The following SNX13 variants were observed in gnomAD, a reference collection of about 807,000 sequenced individuals.
SNX13 encodes sorting nexin-13.
Under a neutral mutation model 133.6 loss-of-function variants are expected in SNX13, and 45 were observed. The observed-to-expected ratio is 0.34, with a 90% CI of 0.27 to 0.43. The LOEUF is 0.43. Among genes scored for constraint, SNX13 ranks in the 20% least tolerant of loss-of-function variants. The pLI, the probability that SNX13 is intolerant of heterozygous loss-of-function variation, is 1.00. For missense variants in SNX13, 1,032 were observed against 1,145.1 expected, an observed-to-expected ratio of 0.90 and a Z score of 1.43; for synonymous variants, 414 against 373.9, an observed-to-expected ratio of 1.11 and a Z score of -1.24.
chr7:17,861,176 C>G (rs987147909), intron 9 of SNX13, among the ~76,000 whole-genome samples: 2 of 152,066 alleles, frequency 1.3e-5, no homozygotes, highest in African/African-American at 4.8e-5. Context: ...CCACCATGCA[C>G]AGATATTTTT....
intron 1 of SNX13, among the ~76,000 whole-genome samples, chr7:17,927,186 CATATA>C (rs888053029): frequency 3.3e-5 from 5 of 149,490 alleles, no homozygotes; most frequent in East Asian, 1.9e-4. Context: ...TATGCGTGTA[CATATA>C]ATATATATGT....
chr7:17,801,567 C>T, intron 22 of SNX13, 21 bp downstream of exon 22: 3 of 1,585,642 alleles, frequency 1.9e-6, no homozygotes, highest in Non-Finnish European at 1.7e-6. Flanking sequence ...CTAAATACTA[C>T]CAAGAATAAA....
intron 1 of SNX13, among the ~76,000 whole-genome samples, chr7:17,910,393 T>C (rs1386378852): frequency 2.6e-5 from 4 of 152,264 alleles, no homozygotes; most frequent in Admixed American, 2.6e-4. Context: ...AAACGACTAA[T>C]TTTTGGCTTT....
At chr7:17,894,856 C>T (rs905388757) in intron 2 of SNX13, among the ~76,000 whole-genome samples, 2 of 152,070 alleles carry the variant, frequency 1.3e-5, no homozygotes, top group African/African-American at 4.8e-5. Flanking sequence ...GTCTACCTGC[C>T]CTCTCACTAG....
chr7:17,840,695 G>C (rs1001159955), intron 12 of SNX13, among the ~76,000 whole-genome samples: 1 of 151,930 alleles, frequency 6.6e-6, no homozygotes, highest in African/African-American at 2.4e-5. Context: ...GGTTTCTAAA[G>C]AAAAACATTT....
At position 17,847,156 on chromosome 7, in the gene SNX13, T is replaced by C. The variant is rs367883545; in HGVS notation, c.1066-1462A>G. On this transcript the variant is annotated intron_variant, in intron 11 of 25. Coordinates refer to ENST00000428135, the MANE Select transcript of SNX13 (RefSeq NM_015132.5). ...GGAAGTAGTTAAAGAAAAGCACAAG[T>C]GAAACCGTATCTTTCTTCTACGCTC... is the stretch of plus-strand genomic sequence containing the variant. Among the ~76,000 whole-genome samples the C allele has an allele frequency of 2.8e-4, 43 of 152,206 alleles. No individual in the cohort carries two copies. In the South Asian group the frequency reaches 5.2e-3, roughly 18 times the overall value.
intron 15 of SNX13, among the ~76,000 whole-genome samples, chr7:17,833,619 T>A (rs1788780512): frequency 6.6e-6 from 1 of 151,760 alleles, no homozygotes; most frequent in Non-Finnish European, 1.5e-5. Context: ...TGTGTAGAAT[T>A]TGGAAAAGTG....
chr7:17,803,608 G>A, intron 20 of SNX13, 28 bp from the exon 21 acceptor site: 4 of 1,569,902 alleles, frequency 2.5e-6, no homozygotes, highest in Non-Finnish European at 3.5e-6. Context: ...ATTATACCAT[G>A]ACTTTATTGT....
chr7:17,896,791 G>A (rs904514811), intron 2 of SNX13, among the ~76,000 whole-genome samples: 2 of 152,012 alleles, frequency 1.3e-5, no homozygotes, highest in Non-Finnish European at 2.9e-5. Context: ...AATTATGACT[G>A]AAACCTCTCT....
intron 1 of SNX13, among the ~76,000 whole-genome samples, chr7:17,930,464 T>A (rs908960450): frequency 5.3e-5 from 8 of 152,220 alleles, no homozygotes; most frequent in African/African-American, 7.2e-5. Context: ...AATCCTAGTA[T>A]AAAGATAATC....
rs1184568112 is a variant in SNX13, at chr7:17,792,919, G to C, written c.*1126C>G. 6.6e-6 allele frequency: 1 copy of C among 152,006 alleles called. No homozygotes were observed. Among genetic ancestry groups the C allele is most frequent in the Non-Finnish European group, 1.5e-5 (1 of 67,748 alleles). The allele number at this position is 152,006 out of a possible 1,614,324, so 9.4% of individuals were successfully genotyped here. A position where few individuals can be genotyped will look rare whatever the true frequency, so the allele number is the denominator to read the frequency against. ...ATACACTGAGGGGTCTTGCCTACTA[G>C]CTTTATTTTGTAGAACTTTACATTA... On this transcript the variant is annotated 3_prime_UTR_variant, in exon 26 of 26. Transcript: ENST00000428135.
intron 12 of SNX13, among the ~76,000 whole-genome samples, chr7:17,845,369 T>C (rs1290212636): frequency 3.3e-5 from 5 of 151,852 alleles, no homozygotes; most frequent in African/African-American, 4.8e-5. Flanking sequence ...GTTGCAGGGG[T>C]TGAGAGTGTG....
intron 5 of SNX13, among the ~76,000 whole-genome samples, chr7:17,879,091 C>G (rs993119593): frequency 6.6e-6 from 1 of 152,190 alleles, no homozygotes; most frequent in Non-Finnish European, 1.5e-5. Context: ...CTGATAATAC[C>G]AAACTTTCCA....
chr7:17,883,626 C>G (rs140980289), intron 5 of SNX13, among the ~76,000 whole-genome samples: 2 of 152,184 alleles, frequency 1.3e-5, no homozygotes, highest in East Asian at 1.9e-4. Flanking sequence ...GTTTGTTACA[C>G]AGGTATACAC....
intron 1 of SNX13, among the ~76,000 whole-genome samples, chr7:17,912,413 T>TG (rs1353704191): frequency 8.2e-6 from 1 of 121,548 alleles, no homozygotes; most frequent in African/African-American, 3.2e-5. Flanking sequence ...AAGAGGAAAA[T>TG]GCTTTTTTTT....
intron 20 of SNX13, among the ~76,000 whole-genome samples, chr7:17,809,360 CT>C (rs1320734843): frequency 7.1e-6 from 1 of 141,100 alleles, no homozygotes; most frequent in Non-Finnish European, 1.5e-5. Context: ...CCAACAAAGA[CT>C]TTAAACCAAC....
intron 14 of SNX13, 45 bp from the exon 15 acceptor site, chr7:17,834,229 T>G: frequency 6.8e-7 from 1 of 1,463,032 alleles, no homozygotes; most frequent in Non-Finnish European, 9.2e-7. Context: ...TACAGGTGTG[T>G]GGTGATTTTT....
Position 17,821,505 on chromosome 7 carries a change from T to TTACC in SNX13, c.1845_1845+3dup. The TTACC allele has an allele frequency of 6.2e-7, 1 of 1,606,068 alleles. No individual in the cohort carries two copies. Among genetic ancestry groups the TTACC allele is most frequent in the Non-Finnish European group, 8.5e-7 (1 of 1,176,462 alleles). On this transcript the variant is annotated splice_donor_region_variant and intron_variant, in intron 18 of 25. Transcript: ENST00000428135. Reference sequence around the variant, plus strand: ...AAGTACACAAGTTTTTAAAACTTCATTACCTGTTCAGTGATTCTCATGTGG... The same window carrying TTACC: ...AAGTACACAAGTTTTTAAAACTTCATTACCTACCTGTTCAGTGATTCTCATGTGG...
intron 1 of SNX13, among the ~76,000 whole-genome samples, chr7:17,927,749 T>A (rs1800922440): frequency 6.6e-6 from 1 of 152,156 alleles, no homozygotes; most frequent in South Asian, 2.1e-4. Context: ...GTACTTAAAA[T>A]CCTCAAGCAT....
Sources: gnomAD v4.1 joint callset for allele counts (sites outside exome capture counted in the v4.1 genomes callset) on GRCh38, gnomAD v4.1.1 for gene constraint, MANE v1.5 for transcripts, NCBI Gene and HGNC (gene_info 2026-07-23, HGNC 2026-07-21) for gene names.